LAS1L: variants seen among roughly 807,000 people sequenced by gnomAD.
The protein encoded by LAS1L is ribosomal biogenesis protein LAS1L.
A neutral mutation model predicts 57.3 loss-of-function variants in LAS1L; 5 were observed. That is an observed-to-expected ratio of 0.09 (90% CI 0.05 to 0.18). The LOEUF (loss-of-function observed/expected upper bound fraction) is 0.18. Ranked by LOEUF, LAS1L falls within the 10% of genes least tolerant of loss-of-function variation. The pLI, the probability that LAS1L is intolerant of heterozygous loss-of-function variation, is 1.00. For synonymous variants in LAS1L, 245 were observed against 231.7 expected (o/e 1.06, Z -0.52); for missense variants, 360 against 568.3 (o/e 0.63, Z 3.73).
At chrX:65,520,316 A>G (rs1413503105) in intron 11 of LAS1L, 1 of 307,271 alleles carries the variant, frequency 3.3e-6, no homozygotes, top group Non-Finnish European at 4.3e-6. Context: ...TAGAGCCTCA[A>G]TGTCTTATCT....
intron 7 of LAS1L, among the ~76,000 whole-genome samples, chrX:65,525,791 A>G (rs2069112162): frequency 1.8e-5 from 2 of 108,225 alleles, no homozygotes; most frequent in African/African-American, 7.0e-5. Flanking sequence ...AACCTCCGGC[A>G]TAAATGGGTT....
chrX:65,514,432 G>A, intron 13 of LAS1L, among the ~76,000 whole-genome samples: 1 of 110,384 alleles, frequency 9.1e-6, no homozygotes, highest in East Asian at 2.9e-4. Context: ...TGAAAAAGCT[G>A]GATGAGAGCA....
chrX:65,525,600 T>C (rs781555193), intron 7 of LAS1L, among the ~76,000 whole-genome samples: 4 of 109,352 alleles, frequency 3.7e-5, no homozygotes, highest in African/African-American at 1.4e-4. Context: ...AGAACAAAGT[T>C]AGAGGGGTTG....
At chrX:65,526,299 A>T (rs2069139089) in intron 7 of LAS1L, among the ~76,000 whole-genome samples, 1 of 111,554 alleles carries the variant, frequency 9.0e-6, no homozygotes, top group African/African-American at 3.3e-5. Context: ...TAACTGACCA[A>T]GCCTAGACGT....
chrX:65,528,202 T>C lies in LAS1L; in HGVS notation c.956+58A>G, dbSNP rs181025681. On this transcript the variant is annotated intron_variant, in intron 7 of 13. Transcript: ENST00000374811. Reference sequence around the variant, plus strand: ...GCTAGGATAGGGAAACCGATTTCAATGAGGCTGCTACCCTCTATCCTAGAG... The same window carrying C: ...GCTAGGATAGGGAAACCGATTTCAACGAGGCTGCTACCCTCTATCCTAGAG... 1.5e-4 allele frequency: 116 copies of C among 755,707 alleles called. No homozygotes were observed. The African/African-American group carries it at 2.2e-3, about 14-fold the overall frequency. The allele number at this position is 755,707 out of a possible 1,213,427, so 62.3% of individuals were successfully genotyped here.
intron 11 of LAS1L, chrX:65,521,316 T>C: frequency 1.3e-6 from 1 of 749,891 alleles, no homozygotes; most frequent in African/African-American, 2.3e-5. Flanking sequence ...CAGAGCACGG[T>C]TCAATTCAAC....
intron 4 of LAS1L, 88 bp downstream of exon 4, chrX:65,531,269 G>T: frequency 1.7e-6 from 1 of 578,947 alleles, no homozygotes; most frequent in South Asian, 3.9e-5. Flanking sequence ...TCCAGGTGGA[G>T]ACCCTCCTGC....
At chrX:65,517,838 C>G (rs766902578) in intron 12 of LAS1L, 149 bp downstream of exon 12, 1 of 1,015,763 alleles carries the variant, frequency 9.8e-7, no homozygotes, top group Non-Finnish European at 1.3e-6. Context: ...GTGGGAGAAG[C>G]CAGCTGTCAT....
At position 65,524,201 on chromosome X, in the gene LAS1L, C is replaced by G. The variant is rs1201527095; in HGVS notation, c.1155G>C (p.Leu385=). 9.9e-6 allele frequency: 12 copies of G among 1,209,252 alleles called. No individual in the cohort carries two copies. In the Admixed American group the frequency reaches 2.6e-4, roughly 26 times the overall value. The change falls in exon 10 of 14, where the codon CTG becomes CTC. Residue 385 remains leucine, a synonymous_variant. Transcript: ENST00000374811. The part of the protein sequence containing the change: ...PKPFSQFWQP[L]LRGLHSQNFT... ...AGTTCTGGGAGTGCAGGCCCCTGAG[C>G]AGGGGCTGCCAGAACTGAGAGAACG...
intron 6 of LAS1L, among the ~76,000 whole-genome samples, chrX:65,528,589 C>T (rs2069299016): frequency 8.9e-6 from 1 of 112,592 alleles, no homozygotes; most frequent in South Asian, 3.7e-4. Flanking sequence ...CTTCCTCCTC[C>T]AACTGAATTT....
chrX:65,517,143 A>G (rs766975146), intron 12 of LAS1L, among the ~76,000 whole-genome samples: 6 of 111,171 alleles, frequency 5.4e-5, no homozygotes, highest in Admixed American at 2.9e-4. Context: ...TGGCCTCACT[A>G]ATTTGTGTGC....
intron 13 of LAS1L, among the ~76,000 whole-genome samples, chrX:65,514,307 G>A (rs889521465): frequency 4.5e-5 from 5 of 110,891 alleles, no homozygotes; most frequent in Non-Finnish European, 9.5e-5. Context: ...ATGAAGCCCC[G>A]TGCAGGCCTT....
chrX:65,517,779 C>G (rs2068704172), intron 12 of LAS1L, among the ~76,000 whole-genome samples: 1 of 112,730 alleles, frequency 8.9e-6, no homozygotes, highest in Non-Finnish European at 1.9e-5. Context: ...TGTGAGGTAG[C>G]CAGCAGCCTG....
intron 3 of LAS1L, 117 bp downstream of exon 3, chrX:65,532,444 G>A: frequency 1.8e-6 from 1 of 545,748 alleles, no homozygotes. Context: ...ATTCTTGCTG[G>A]GCTTGGCTGG....
At chrX:65,533,312 A>T (rs1311886816) in intron 2 of LAS1L, among the ~76,000 whole-genome samples, 6 of 110,543 alleles carry the variant, frequency 5.4e-5, no homozygotes, top group African/African-American at 2.0e-4. Flanking sequence ...GGTAAGAAAA[A>T]ATATCAGACC....
rs1031189544 is a variant in LAS1L, at chrX:65,523,699, C to T, written c.1309G>A (p.Ala437Thr). The T allele has an allele frequency of 4.2e-6, 5 of 1,186,822 alleles. No individual in the cohort carries two copies. The highest frequency in any genetic ancestry group is 3.5e-5 in the African/African-American group (2 of 56,533). Residue 437 changes from alanine (A) to threonine (T), a missense_variant, in exon 11 of 14, where the codon GCT becomes ACT. Around this residue, in one of 7 missense-constraint regions of LAS1L, gnomAD observed 81 missense variants for 192.1 expected, o/e 0.42. Transcript: ENST00000374811. ...CACTGGCCTGCAGAAAATCGGCGAG[C>T]ATTCCGTCCTGAGAGAGAAGAGAGG... is the stretch of plus-strand genomic sequence containing the variant. The part of the protein sequence containing the change: ...IVANTKTGRN[A>T]RRFSAGQWEA...
Position 65,512,835 on chromosome X carries a change from C to T in LAS1L, c.2145G>A (p.Glu715=). 8.6e-7 allele frequency: 1 copy of T among 1,167,797 alleles called. No homozygotes were observed. Residue 715 remains glutamate (E), a synonymous_variant, in exon 14 of 14, where the codon GAG becomes GAA. Coordinates refer to ENST00000374811, the MANE Select transcript of LAS1L (RefSeq NM_031206.7). ...GCTGCCCCTGGCTCCAGAGAAGGCC[C>T]TCGAAGTTGCTGCTGCTGCTGTTGC... ...NCSNSSSSNF[E]GLLWSQGQLH... is the part of the protein sequence containing the mutation.
intron 7 of LAS1L, among the ~76,000 whole-genome samples, chrX:65,526,186 A>G (rs867451798): frequency 2.7e-5 from 3 of 112,008 alleles, no homozygotes; most frequent in Admixed American, 9.5e-5. Flanking sequence ...CATGCTTCTC[A>G]TACAGGATAC....
intron 7 of LAS1L, among the ~76,000 whole-genome samples, chrX:65,527,210 CAAAAAAAAAAAAAAAAAAAAAAAAAA>C (rs869258564): frequency 2.7e-3 from 30 of 11,002 alleles, no homozygotes; most frequent in South Asian, 0.029. Flanking sequence ...AACTCTGTCT[CAAAAAAAAAAAAAAAAAAAAAAAAAA>C]AAAAAAAAAA....
Sources: gnomAD v4.1 joint callset for allele counts (sites outside exome capture counted in the v4.1 genomes callset) on GRCh38, gnomAD v4.1.1 for gene constraint, gnomAD v4.1.1 regional missense constraint, MANE v1.5 for transcripts, NCBI Gene and HGNC (gene_info 2026-07-23, HGNC 2026-07-21) for gene names.